Variants in ARHGEF10 observed in about 807,000 individuals in gnomAD.
The protein encoded by ARHGEF10 is Rho guanine nucleotide exchange factor (GEF) 10.
Under a neutral mutation model 147.4 loss-of-function variants are expected in ARHGEF10, and 140 were observed. The ratio of observed to expected loss-of-function variants is 0.95; its 90% CI spans 0.83 to 1.09. The LOEUF (loss-of-function observed/expected upper bound fraction) is 1.09, where lower values mean the gene tolerates loss of function less well. ARHGEF10 is among the 50% of genes least tolerant of loss of function. ARHGEF10 has a pLI of 0.00. For synonymous variants in ARHGEF10, 902 were observed against 695.8 expected (o/e 1.30, Z -4.67); for missense variants, 2,222 against 1,752.7 (o/e 1.27, Z -4.78).
At chr8:1,955,149 A>ATG (rs11384329) in intron 28 of ARHGEF10, among the ~76,000 whole-genome samples, 1 of 56,006 alleles carries the variant, frequency 1.8e-5, no homozygotes, top group African/African-American at 8.4e-5. Context: ...GTTCCTCTGG[A>ATG]GGATAGCCAG....
Position 1,900,760 on chromosome 8 carries a change from A to C in ARHGEF10, c.1650+2235A>C, listed in dbSNP as rs1004228805. Among the ~76,000 whole-genome samples the C allele has an allele frequency of 3.3e-5, 5 of 152,146 alleles. No homozygotes were observed. The South Asian group carries it at 1.0e-3, about 32-fold the overall frequency. On this transcript the variant is annotated intron_variant, in intron 15 of 28. Transcript: ENST00000349830. ...AGAACTTGGGTGTCAAAAGACTTGC[A>C]CTTAGAAAGATTCAGTGTGCTCTTC...
At chr8:1,935,985 G>A (rs1432431659) in intron 26 of ARHGEF10, among the ~76,000 whole-genome samples, 6 of 152,240 alleles carry the variant, frequency 3.9e-5, no homozygotes, top group South Asian at 2.1e-4. Flanking sequence ...GCCGTGTGAC[G>A]TGCCAGCGTG....
chr8:1,892,969 G>C (rs1458382041), intron 11 of ARHGEF10, among the ~76,000 whole-genome samples: 1 of 151,194 alleles, frequency 6.6e-6, no homozygotes, highest in Non-Finnish European at 1.5e-5. Context: ...ATAACGTCAG[G>C]TTTTGATTGC....
Position 1,934,091 on chromosome 8 carries a change from C to T in ARHGEF10, c.3222+149C>T, listed in dbSNP as rs1333732991. On this transcript the variant is annotated intron_variant, in intron 26 of 28. Transcript: ENST00000349830. ...GGCTCATGCCTGTAATGCCAACACTCTGGGAGGCCAAGGTTGGAGGACTGT... is the reference window on the plus strand; with the variant it reads ...GGCTCATGCCTGTAATGCCAACACTTTGGGAGGCCAAGGTTGGAGGACTGT... The T allele has an allele frequency of 8.5e-5, 89 of 1,044,088 alleles. No homozygotes were observed. The South Asian group carries it at 1.2e-3, about 15-fold the overall frequency. 64.7% of individuals were successfully genotyped at this position (1,044,088 alleles called of 1,614,324 possible).
At chr8:1,917,667 A>G (rs11994568) in intron 18 of ARHGEF10, among the ~76,000 whole-genome samples, 1,797 of 152,332 alleles carry the variant, frequency 0.012, 26 homozygotes, top group African/African-American at 0.04. Flanking sequence ...TGCAGCGACA[A>G]AGAACTTCGC....
At chr8:1,863,838 C>T (rs925822477) in intron 4 of ARHGEF10, among the ~76,000 whole-genome samples, 19 of 152,012 alleles carry the variant, frequency 1.2e-4, no homozygotes, top group Middle Eastern at 6.8e-3. Flanking sequence ...GGTCGGACTG[C>T]GCGTGTATTT....
intron 1 of ARHGEF10, chr8:1,826,196 G>T: frequency 7.0e-7 from 1 of 1,430,088 alleles, no homozygotes; most frequent in Admixed American, 1.9e-5. Context: ...ACAGTTGGGG[G>T]TGAAGTGAAG....
At chr8:1,850,902 G>C (rs1285604597) in intron 2 of ARHGEF10, among the ~76,000 whole-genome samples, 9 of 152,094 alleles carry the variant, frequency 5.9e-5, no homozygotes, top group Non-Finnish European at 1.0e-4. Flanking sequence ...AAAAGACATG[G>C]AGGAGCCTTA....
chr8:1,907,487 T>C (rs1027725609), intron 17 of ARHGEF10, among the ~76,000 whole-genome samples: 1 of 152,194 alleles, frequency 6.6e-6, no homozygotes, highest in Non-Finnish European at 1.5e-5. Flanking sequence ...TTGTTGAGTC[T>C]TTTCCGCATT....
chr8:1,924,180 T>C (rs1812508143), intron 21 of ARHGEF10, among the ~76,000 whole-genome samples: 1 of 152,120 alleles, frequency 6.6e-6, no homozygotes, highest in East Asian at 1.9e-4. Context: ...GTGAGCCAGG[T>C]GCTCAAGGCG....
At chr8:1,953,157 G>A (rs1156439971) in intron 28 of ARHGEF10, among the ~76,000 whole-genome samples, 2 of 146,948 alleles carry the variant, frequency 1.4e-5, no homozygotes, top group Admixed American at 6.6e-5. Context: ...TTTATATTGT[G>A]AAGAAGGAAG....
chr8:1,919,589 A>AGCT (rs1449073825), intron 18 of ARHGEF10, among the ~76,000 whole-genome samples: 2 of 147,114 alleles, frequency 1.4e-5, no homozygotes, highest in Admixed American at 6.7e-5. Flanking sequence ...TGGATGATGG[A>AGCT]GCTGTTCTGT....
intron 18 of ARHGEF10, among the ~76,000 whole-genome samples, chr8:1,917,690 A>T (rs1307606984): frequency 1.3e-5 from 2 of 152,230 alleles, no homozygotes; most frequent in African/African-American, 4.8e-5. Flanking sequence ...ACAGAACTGA[A>T]AACTCTAGAA....
intron 28 of ARHGEF10, 64 bp from the exon 29 acceptor site, chr8:1,956,685 T>G: frequency 6.2e-7 from 1 of 1,602,672 alleles, no homozygotes; most frequent in Non-Finnish European, 8.5e-7. Flanking sequence ...CCTGCACTTT[T>G]TGCTTCCTTG....
intron 18 of ARHGEF10, among the ~76,000 whole-genome samples, chr8:1,919,951 CTATGGGTGATGGAG>C: frequency 2.0e-5 from 3 of 147,518 alleles, no homozygotes; most frequent in African/African-American, 7.6e-5. Context: ...TGGAGCTGTT[CTATGGGTGATGGAG>C]CTGTTCTGTG....
chr8:1,876,662 C>T lies in ARHGEF10; in HGVS notation c.771C>T (p.Tyr257=), dbSNP rs200052082. 28 of 1,614,088 alleles carry T rather than the reference C, an allele frequency of 1.7e-5. No individual in the cohort carries two copies. The highest frequency in any genetic ancestry group is 4.4e-5 in the South Asian group (4 of 91,094). Residue 257 remains tyrosine (Y), a synonymous_variant, in exon 8 of 29, where the codon TAC becomes TAT. Transcript: ENST00000349830. ...GGAGTTCGAGTGAATTTGAAAGTTACGAAGAGCAGAGTGACTCGGAGTGCA... is the reference window on the plus strand; with the variant it reads ...GGAGTTCGAGTGAATTTGAAAGTTATGAAGAGCAGAGTGACTCGGAGTGCA... ...YGWSSSEFES[Y]EEQSDSECKN... is the part of the protein sequence containing the mutation.
intron 1 of ARHGEF10, among the ~76,000 whole-genome samples, chr8:1,841,836 A>AACTGGGGCCGCGG (rs1563161335): frequency 2.9e-4 from 22 of 74,728 alleles, no homozygotes; most frequent in East Asian, 4.3e-4. Flanking sequence ...TGGGGCCGCG[A>AACTGGGGCCGCGG]CGGGAACTGG....
chr8:1,915,980 C>T (rs926540132), intron 18 of ARHGEF10, among the ~76,000 whole-genome samples: 1 of 152,224 alleles, frequency 6.6e-6, no homozygotes, highest in Admixed American at 6.5e-5. Context: ...CTGTCCAGGA[C>T]CTGACAGCCA....
intron 25 of ARHGEF10, 143 bp from the exon 26 acceptor site, chr8:1,933,649 CGATCCCCA>C: frequency 9.7e-7 from 1 of 1,035,022 alleles, no homozygotes; most frequent in Middle Eastern, 3.0e-4. Flanking sequence ...GTCAGCTTGT[CGATCCCCA>C]GACACAGCCA....
Sources: gnomAD v4.1 joint callset for allele counts (sites outside exome capture counted in the v4.1 genomes callset) on GRCh38, gnomAD v4.1.1 for gene constraint, MANE v1.5 for transcripts, NCBI Gene and HGNC (gene_info 2026-07-23, HGNC 2026-07-21) for gene names.